Variants in RLN2 observed in about 807,000 individuals in gnomAD.
RLN2 encodes the protein relaxin 2, also known as prorelaxin H2.
Under a neutral mutation model 7.3 loss-of-function variants are expected in RLN2, and 10 were observed. The observed-to-expected ratio is 1.36, with a 90% CI of 0.84 to 2.31. The LOEUF (loss-of-function observed/expected upper bound fraction) is 2.31, where lower values mean the gene tolerates loss of function less well. Ranked by LOEUF, RLN2 falls within the 30% of genes most tolerant of loss-of-function variation. RLN2 has a pLI of 0.00. For synonymous variants in RLN2, 103 were observed against 82.3 expected, an observed-to-expected ratio of 1.25 and a Z score of -1.36; for missense variants, 298 against 217.6, an observed-to-expected ratio of 1.37 and a Z score of -2.32.
rs781337871 is a variant in RLN2 at position 5,300,295 on chromosome 9, C to T, written c.361G>A (p.Asp121Asn). 17 of 1,613,892 alleles carry T rather than the reference C, an allele frequency of 1.1e-5. No individual in the cohort carries two copies. The East Asian group carries it at 3.6e-4, about 34-fold the overall frequency. ...QLQQHVPVLK[D>N]SSLLFEEFKK... is the part of the protein sequence containing the mutation. ...AATTCTTCAAAGAGAAGACTGGAATCTTTTAATACAGGTACATGTTGTTGT... is the reference window on the plus strand; with the variant it reads ...AATTCTTCAAAGAGAAGACTGGAATTTTTTAATACAGGTACATGTTGTTGT... The change falls in exon 2 of 2, where the codon GAT becomes AAT. Residue 121 changes from aspartate (D) to asparagine (N), a missense_variant. By Grantham distance (23) the Asp-to-Asn change is conservative (BLOSUM62 1). Transcript: ENST00000381627.
chr9:5,332,338 A>G, the RLN2 span, among the ~76,000 whole-genome samples: 5 of 152,018 alleles, frequency 3.3e-5, no homozygotes, highest in South Asian at 1.0e-3. Context: ...TTACTTTTTC[A>G]ATAAAAAATC....
chr9:5,326,382 T>C, the RLN2 span, among the ~76,000 whole-genome samples: 124 of 152,200 alleles, frequency 8.1e-4, 1 homozygote, highest in Non-Finnish European at 1.5e-3. Flanking sequence ...GAAGTGGTAC[T>C]GCCTAAAAGG....
At chr9:5,311,578 T>G in the RLN2 span, 11 of 833,166 alleles carry the variant, frequency 1.3e-5, no homozygotes, top group Non-Finnish European at 1.7e-5. Flanking sequence ...AAAACGCCCA[T>G]GCAAAGACAG....
chr9:5,300,216 T>G lies in RLN2; in HGVS notation c.440A>C (p.Glu147Ala). Reference protein sequence around the residue: ...QSEAADSSPSELKYLGLDTHS... With the variant: ...QSEAADSSPSALKYLGLDTHS... ...AGTATCCAAGCCTAAGTATTTTAAT[T>G]CTGAAGGACTGCTGTCTGCGGCTTC... The change falls in exon 2 of 2, where the codon GAA becomes GCA. Residue 147 changes from glutamate to alanine, a missense_variant. Glu to Ala is a moderately radical substitution (Grantham distance 107). Coordinates refer to ENST00000381627, the MANE Select transcript of RLN2 (RefSeq NM_134441.3). 6.2e-7 allele frequency: 1 copy of G among 1,614,064 alleles called. No homozygotes were observed. The highest frequency in any genetic ancestry group is 8.5e-7 in the Non-Finnish European group (1 of 1,179,922).
chr9:5,337,241 A>G, the RLN2 span, among the ~76,000 whole-genome samples: 1 of 152,094 alleles, frequency 6.6e-6, no homozygotes, highest in African/African-American at 2.4e-5. Flanking sequence ...AAAAAAGCTG[A>G]TGGTAATTTT....
chr9:5,300,660 C>A (rs1484164814), intron 1 of RLN2, among the ~76,000 whole-genome samples: 1 of 152,172 alleles, frequency 6.6e-6, no homozygotes, highest in African/African-American at 2.4e-5. Flanking sequence ...TGCTTTACCC[C>A]ATTGGTCCTC....
the RLN2 span, among the ~76,000 whole-genome samples, chr9:5,336,046 T>C: frequency 2.0e-5 from 3 of 152,062 alleles, no homozygotes; most frequent in Non-Finnish European, 4.4e-5. Flanking sequence ...GAAAAAGATA[T>C]TATTTTAAGC....
chr9:5,317,862 A>G, the RLN2 span, among the ~76,000 whole-genome samples: 2 of 152,050 alleles, frequency 1.3e-5, no homozygotes, highest in African/African-American at 4.8e-5. Flanking sequence ...ACTCATTAGA[A>G]TAGCAAAAAT....
chr9:5,324,930 T>C, the RLN2 span, among the ~76,000 whole-genome samples: 1 of 152,000 alleles, frequency 6.6e-6, no homozygotes. Flanking sequence ...ACGTAATTTT[T>C]CCAGAAATAT....
At chr9:5,313,850 G>A in the RLN2 span, among the ~76,000 whole-genome samples, 56 of 152,114 alleles carry the variant, frequency 3.7e-4, 2 homozygotes, top group African/African-American at 1.4e-3. Flanking sequence ...CATTAAAGGT[G>A]TATTAGAAAC....
At chr9:5,335,189 C>T in the RLN2 span, 10 of 938,806 alleles carry the variant, frequency 1.1e-5, no homozygotes, top group East Asian at 1.5e-4. Context: ...ACAGAAGCAT[C>T]AGTGAAATGT....
At chr9:5,331,605 G>T in the RLN2 span, among the ~76,000 whole-genome samples, 1 of 148,482 alleles carries the variant, frequency 6.7e-6, no homozygotes, top group African/African-American at 2.5e-5. Context: ...CCCATAGGTG[G>T]GAATTGAACA....
chr9:5,331,653 A>G, the RLN2 span, among the ~76,000 whole-genome samples: 1 of 134,034 alleles, frequency 7.5e-6, no homozygotes, highest in African/African-American at 2.7e-5. Context: ...AACATCACAC[A>G]CAGGGGCATC....
the RLN2 span, among the ~76,000 whole-genome samples, chr9:5,327,672 A>G: frequency 6.6e-6 from 1 of 151,950 alleles, no homozygotes; most frequent in Non-Finnish European, 1.5e-5. Flanking sequence ...AGACACTTCA[A>G]ACAGGCAGGT....
At chr9:5,321,337 G>A in the RLN2 span, among the ~76,000 whole-genome samples, 39,556 of 151,822 alleles carry the variant, frequency 0.26, 5,651 homozygotes, top group East Asian at 0.41. Context: ...CTTGCACATG[G>A]CTTTCCCCTC....
At chr9:5,335,769 G>A in the RLN2 span, among the ~76,000 whole-genome samples, 1 of 151,952 alleles carries the variant, frequency 6.6e-6, no homozygotes, top group Non-Finnish European at 1.5e-5. Context: ...CTTACAGTTG[G>A]ACACCTTAAA....
chr9:5,320,184 C>T, the RLN2 span, among the ~76,000 whole-genome samples: 7 of 151,766 alleles, frequency 4.6e-5, no homozygotes, highest in Non-Finnish European at 1.0e-4. Flanking sequence ...TGGGGTTTCA[C>T]CGTGTGGGCC....
chr9:5,308,766 C>CA (rs1191013376), upstream of RLN2, among the ~76,000 whole-genome samples: 1 of 152,056 alleles, frequency 6.6e-6, no homozygotes, highest in Non-Finnish European at 1.5e-5. Flanking sequence ...TCTGCTCCTG[C>CA]AAAAAACCCT....
In RLN2 at chr9:5,300,274, C is replaced by A. The variant is rs1330890180; in HGVS notation, c.382G>T (p.Glu128Ter). 1 of 1,613,940 alleles carries A rather than the reference C, an allele frequency of 6.2e-7. No individual in the cohort carries two copies. Among genetic ancestry groups the A allele is most frequent in the East Asian group, 2.2e-5 (1 of 44,866 alleles). ...CTATTGCGAATAAGTTTCTTAAATT[C>A]TTCAAAGAGAAGACTGGAATCTTTT... is the stretch of plus-strand genomic sequence containing the variant. ...VLKDSSLLFE[E>*]FKKLIRNRQS... Residue 128 changes from glutamate to a stop codon, truncating the protein, a stop_gained, in exon 2 of 2, where the codon GAA becomes TAA. Coordinates refer to ENST00000381627, the MANE Select transcript of RLN2 (RefSeq NM_134441.3). LOFTEE classifies it low-confidence loss of function (END_TRUNC).
Sources: gnomAD v4.1 joint callset for allele counts (sites outside exome capture counted in the v4.1 genomes callset) on GRCh38, gnomAD v4.1.1 for gene constraint, MANE v1.5 for transcripts, NCBI Gene and HGNC (gene_info 2026-07-23, HGNC 2026-07-21) for gene names.